The following DOCK7 variants were observed in gnomAD, a reference collection of about 807,000 sequenced individuals.
DOCK7 encodes dedicator of cytokinesis protein 7.
DOCK7 carries 138 observed loss-of-function variants against 271.0 expected under a neutral mutation model. The observed-to-expected ratio is 0.51, with a 90% CI of 0.44 to 0.59. The LOEUF (loss-of-function observed/expected upper bound fraction) is 0.59, where lower values mean the gene tolerates loss of function less well. Among genes scored for constraint, DOCK7 ranks in the 20% least tolerant of loss-of-function variants. DOCK7 has a pLI of 0.00. For synonymous variants in DOCK7, 823 were observed against 876.1 expected, an observed-to-expected ratio of 0.94 and a Z score of 1.07; for missense variants, 2,066 against 2,592.4, an observed-to-expected ratio of 0.80 and a Z score of 4.41.
intron 35 of DOCK7, among the ~76,000 whole-genome samples, chr1:62,506,105 T>C (rs375852456): frequency 7.9e-5 from 12 of 152,016 alleles, no homozygotes; most frequent in African/African-American, 2.7e-4. Flanking sequence ...GTAAGTAAAT[T>C]TGAATTGACT....
intron 14 of DOCK7, among the ~76,000 whole-genome samples, chr1:62,593,368 G>A (rs1185717041): frequency 4.6e-5 from 7 of 152,088 alleles, no homozygotes; most frequent in East Asian, 1.9e-4. Flanking sequence ...TCAGGAGTTC[G>A]AGACCAGTCT....
intron 10 of DOCK7, among the ~76,000 whole-genome samples, chr1:62,631,751 C>A (rs1331232490): frequency 8.3e-6 from 1 of 119,884 alleles, no homozygotes; most frequent in East Asian, 2.1e-4. Context: ...ACAAAATATT[C>A]TAGTTATAAT....
In DOCK7 at chr1:62,686,157, CTTTTTTTT is replaced by C. The variant is rs1161312915; in HGVS notation, c.38+2062_38+2069del. ...ACTAGGAATACATGTCAAGTAATAA[CTTTTTTTT>C]TTTTTTTTTTTTTTTTTTTTTTTTT... is the stretch of plus-strand genomic sequence containing the variant. On this transcript the variant is annotated intron_variant, in intron 1 of 49. Transcript: ENST00000635253. Among the ~76,000 whole-genome samples, 24 of 4,208 alleles carry C rather than the reference CTTTTTTTT, an allele frequency of 5.7e-3. 10 individuals are homozygous for C. Among genetic ancestry groups the C allele is most frequent in the African/African-American group, 5.5e-3 (22 of 3,984 alleles). 2.8% of individuals were successfully genotyped at this position (4,208 alleles called of 152,430 possible). A position where few individuals can be genotyped will look rare whatever the true frequency, so the allele number is the denominator to read the frequency against.
At chr1:62,457,012 G>A (rs1645366807) in intron 49 of DOCK7, among the ~76,000 whole-genome samples, 1 of 152,168 alleles carries the variant, frequency 6.6e-6, no homozygotes. Flanking sequence ...GAAATGTCAG[G>A]CACTGTCCTA....
intron 20 of DOCK7, among the ~76,000 whole-genome samples, chr1:62,557,340 T>C (rs575665966): frequency 2.6e-5 from 4 of 151,788 alleles, no homozygotes; most frequent in Admixed American, 6.6e-5. Flanking sequence ...CTTCATTAAT[T>C]AACCTCTTTT....
intron 42 of DOCK7, 176 bp downstream of exon 42, chr1:62,488,758 C>A (rs763717631): frequency 7.8e-5 from 62 of 796,564 alleles, no homozygotes; most frequent in Non-Finnish European, 1.2e-4. Context: ...TAGGTGAATT[C>A]ATTTTTATTG....
At chr1:62,559,847 T>G (rs539707801) in intron 19 of DOCK7, among the ~76,000 whole-genome samples, 23 of 152,290 alleles carry the variant, frequency 1.5e-4, no homozygotes, top group African/African-American at 4.6e-4. Context: ...CAGAGATGGC[T>G]CACTGTGCCT....
chr1:62,643,491 G>T (rs1165479984), intron 7 of DOCK7, among the ~76,000 whole-genome samples: 1 of 152,150 alleles, frequency 6.6e-6, no homozygotes. Context: ...TCAGCTGTTA[G>T]GCTAATTGTA....
At chr1:62,587,832 G>A (rs1325304826) in intron 14 of DOCK7, among the ~76,000 whole-genome samples, 2 of 152,068 alleles carry the variant, frequency 1.3e-5, no homozygotes, top group Non-Finnish European at 2.9e-5. Context: ...AAGGTAGAGA[G>A]ACAGAGTGGA....
At chr1:62,552,327 A>T (rs1645935089) in intron 22 of DOCK7, among the ~76,000 whole-genome samples, 1 of 152,234 alleles carries the variant, frequency 6.6e-6, no homozygotes, top group African/African-American at 2.4e-5. Flanking sequence ...CAAAAATGGA[A>T]AATTGTTTAA....
rs770516366 is a variant in DOCK7 at position 62,552,788 on chromosome 1, T to C, written c.2710A>G (p.Ile904Val). The change falls in exon 22 of 50, where the codon ATA becomes GTA. Residue 904 changes from isoleucine (I) to valine (V), a missense_variant. Transcript: ENST00000635253. The stretch of plus-strand genomic sequence containing the variant: ...TCTGGTGACGTGGGAGTCCCAGATA[T>C]ATCTGGATTGCTATTACTAAGGCTT... ...SRSLSNSNPD[I>V]SGTPTSPDDE... The C allele has an allele frequency of 1.9e-6, 3 of 1,614,024 alleles. No individual in the cohort carries two copies. Among genetic ancestry groups the C allele is most frequent in the East Asian group, 2.2e-5 (1 of 44,870 alleles).
At chr1:62,541,010 A>G (rs960878915) in intron 25 of DOCK7, among the ~76,000 whole-genome samples, 2 of 152,184 alleles carry the variant, frequency 1.3e-5, no homozygotes, top group Non-Finnish European at 2.9e-5. Context: ...CTTACCCATA[A>G]TATAGGTAAC....
intron 14 of DOCK7, among the ~76,000 whole-genome samples, chr1:62,617,094 CAAA>C (rs562770955): frequency 1.0e-5 from 1 of 99,078 alleles, no homozygotes; most frequent in Non-Finnish European, 2.2e-5. Context: ...GACTCTATTG[CAAA>C]AAAAAAAAAA....
chr1:62,470,490 T>C (rs1645799787), intron 48 of DOCK7, among the ~76,000 whole-genome samples: 1 of 152,104 alleles, frequency 6.6e-6, no homozygotes, highest in Admixed American at 6.5e-5. Context: ...GTTCAGTGTA[T>C]ACTGCTTGGG....
Position 62,641,123 on chromosome 1 carries a change from C to G in DOCK7, c.819-4520G>C, listed in dbSNP as rs1230715288. The stretch of plus-strand genomic sequence containing the variant: ...TAAACAGTCTTTATTGGACTCAGAC[C>G]AGGAGTCCATGGCTCTTGAGGACCT... On this transcript the variant is annotated intron_variant, in intron 7 of 49. Transcript: ENST00000635253. The G allele has an allele frequency of 1.4e-5, 4 of 285,748 alleles. No individual in the cohort carries two copies. The Admixed American group carries it at 1.8e-4, about 13-fold the overall frequency. 17.7% of individuals were successfully genotyped at this position (285,748 alleles called of 1,614,324 possible). A position where few individuals can be genotyped will look rare whatever the true frequency, so the allele number is the denominator to read the frequency against.
At chr1:62,651,174 T>C (rs1657307156) in intron 4 of DOCK7, among the ~76,000 whole-genome samples, 1 of 151,348 alleles carries the variant, frequency 6.6e-6, no homozygotes, top group Non-Finnish European at 1.5e-5. Context: ...AAACCATCAT[T>C]CTCAGCAAAC....
chr1:62,686,543 A>C (rs934004486), intron 1 of DOCK7, among the ~76,000 whole-genome samples: 1 of 147,128 alleles, frequency 6.8e-6, no homozygotes, highest in Non-Finnish European at 1.5e-5. Context: ...ATTATTTTAC[A>C]AAAAAAAAAA....
intron 41 of DOCK7, among the ~76,000 whole-genome samples, chr1:62,491,277 TG>T (rs1227946296): frequency 6.6e-6 from 1 of 152,116 alleles, no homozygotes; most frequent in Admixed American, 6.5e-5. Flanking sequence ...GCAGTAGAAA[TG>T]GGGAAAGAGG....
intron 14 of DOCK7, 30 bp downstream of exon 14, chr1:62,618,676 A>G (rs778675381): frequency 6.3e-7 from 1 of 1,575,824 alleles, no homozygotes; most frequent in Admixed American, 1.7e-5. Context: ...AGTATCTTCT[A>G]TCAGAATTCT....
Sources: gnomAD v4.1 joint callset for allele counts (sites outside exome capture counted in the v4.1 genomes callset) on GRCh38, gnomAD v4.1.1 for gene constraint, MANE v1.5 for transcripts, NCBI Gene and HGNC (gene_info 2026-07-23, HGNC 2026-07-21) for gene names.